The following CNTNAP5 variants were observed in gnomAD, a reference collection of about 807,000 sequenced individuals.
CNTNAP5 encodes the protein contactin associated protein family member 5.
A neutral mutation model predicts 150.2 loss-of-function variants in CNTNAP5; 72 were observed. That is an observed-to-expected ratio of 0.48 (90% CI 0.40 to 0.58). The LOEUF (loss-of-function observed/expected upper bound fraction) is 0.58. Ranked by LOEUF, CNTNAP5 falls within the 20% of genes least tolerant of loss-of-function variation. CNTNAP5 has a pLI of 0.00. For synonymous variants in CNTNAP5, 672 were observed against 619.8 expected (o/e 1.08, Z -1.25); for missense variants, 1,636 against 1,626.2 (o/e 1.01, Z -0.10).
At chr2:124,405,104 C>A (rs1691537277) in intron 3 of CNTNAP5, among the ~76,000 whole-genome samples, 1 of 152,060 alleles carries the variant, frequency 6.6e-6, no homozygotes, top group South Asian at 2.1e-4. Flanking sequence ...CATATAATAT[C>A]ATTCAGAATT....
rs1409335907 is a variant in CNTNAP5 at position 124,870,210 on chromosome 2, T to C, written c.3436+448T>C. Among the ~76,000 whole-genome samples the C allele has an allele frequency of 3.3e-5, 5 of 151,896 alleles. No homozygotes were observed. In the East Asian group the frequency reaches 9.7e-4, roughly 30 times the overall value. On this transcript the variant is annotated intron_variant, in intron 21 of 23. Coordinates refer to ENST00000682447, the MANE Select transcript of CNTNAP5 (RefSeq NM_001367498.1). Reference sequence around the variant, plus strand: ...ATTTTCACTTTATATATGATGACAGTATTCATTACATGCATACAAGATAGA... The same window carrying C: ...ATTTTCACTTTATATATGATGACAGCATTCATTACATGCATACAAGATAGA...
intron 1 of CNTNAP5, among the ~76,000 whole-genome samples, chr2:124,035,696 A>T (rs1681194446): frequency 6.6e-6 from 1 of 152,124 alleles, no homozygotes; most frequent in African/African-American, 2.4e-5. Flanking sequence ...ACTATAATAA[A>T]ATATTTTCCC....
intron 13 of CNTNAP5, among the ~76,000 whole-genome samples, chr2:124,731,650 G>T (rs1680274043): frequency 6.6e-6 from 1 of 152,004 alleles, no homozygotes. Context: ...AAAGAAAAAA[G>T]AAATAAGAAA....
intron 3 of CNTNAP5, among the ~76,000 whole-genome samples, chr2:124,408,535 C>G (rs898838028): frequency 5.9e-5 from 9 of 151,886 alleles, no homozygotes; most frequent in African/African-American, 2.2e-4. Context: ...AGCTGGAGAT[C>G]TGAGAACGGG....
At chr2:124,607,254 G>C (rs182111806) in intron 11 of CNTNAP5, among the ~76,000 whole-genome samples, 42 of 152,234 alleles carry the variant, frequency 2.8e-4, no homozygotes, top group African/African-American at 9.6e-4. Context: ...CTGCAAAAAA[G>C]ATGTCCACAG....
intron 12 of CNTNAP5, among the ~76,000 whole-genome samples, chr2:124,642,286 G>A (rs551007879): frequency 3.9e-5 from 6 of 152,126 alleles, no homozygotes; most frequent in Non-Finnish European, 7.4e-5. Context: ...TTTTGTTATT[G>A]TTGAGTGTGC....
At position 124,504,441 on chromosome 2, in the gene CNTNAP5, G is replaced by C. The variant is rs779415606; in HGVS notation, c.1212G>C (p.Leu404=). Residue 404 remains leucine, a synonymous_variant, in exon 8 of 24, where the codon CTG becomes CTC. Coordinates refer to ENST00000682447, the MANE Select transcript of CNTNAP5 (RefSeq NM_001367498.1). Reference sequence around the variant, plus strand: ...TTCGAACATGGAACAAGGATGGTCTGCTTCTGTCCACAGAGCTGTCTGAGG... The same window carrying C: ...TTCGAACATGGAACAAGGATGGTCTCCTTCTGTCCACAGAGCTGTCTGAGG... ...FQFRTWNKDG[L]LLSTELSEGS... 15 of 1,613,758 alleles carry C rather than the reference G, an allele frequency of 9.3e-6. No homozygotes were observed. Among genetic ancestry groups the C allele is most frequent in the Non-Finnish European group, 1.3e-5 (15 of 1,179,860 alleles).
chr2:124,086,269 T>C (rs1383438413), intron 1 of CNTNAP5, among the ~76,000 whole-genome samples: 1 of 141,650 alleles, frequency 7.1e-6, no homozygotes, highest in Non-Finnish European at 1.5e-5. Flanking sequence ...CCATCTCGGC[T>C]CATTGCAAGC....
intron 6 of CNTNAP5, among the ~76,000 whole-genome samples, chr2:124,451,948 G>A (rs1218610547): frequency 6.6e-6 from 1 of 152,146 alleles, no homozygotes; most frequent in Non-Finnish European, 1.5e-5. Context: ...GGACCTTCAG[G>A]AGGGCTACCA....
chr2:124,433,295 T>C (rs1255395026), intron 4 of CNTNAP5, among the ~76,000 whole-genome samples: 1 of 152,216 alleles, frequency 6.6e-6, no homozygotes, highest in African/African-American at 2.4e-5. Context: ...ACAGTTTATT[T>C]TTAAAGTCAA....
intron 1 of CNTNAP5, among the ~76,000 whole-genome samples, chr2:124,061,153 T>G (rs1682000160): frequency 6.6e-6 from 1 of 152,124 alleles, no homozygotes; most frequent in Admixed American, 6.5e-5. Flanking sequence ...CATCATGAGA[T>G]CCTCCCTGTG....
chr2:124,821,309 A>C (rs1682486499), intron 19 of CNTNAP5, among the ~76,000 whole-genome samples: 1 of 152,100 alleles, frequency 6.6e-6, no homozygotes, highest in African/African-American at 2.4e-5. Context: ...TGGCCTTTCT[A>C]TCCACTTTCT....
intron 11 of CNTNAP5, among the ~76,000 whole-genome samples, chr2:124,599,551 G>T (rs1370534572): frequency 6.6e-6 from 1 of 152,116 alleles, no homozygotes; most frequent in Admixed American, 6.6e-5. Flanking sequence ...GTCAGGTTAA[G>T]GATCAGCTTT....
At chr2:124,891,009 T>C (rs150483843) in intron 21 of CNTNAP5, among the ~76,000 whole-genome samples, 7 of 152,234 alleles carry the variant, frequency 4.6e-5, no homozygotes, top group Non-Finnish European at 8.8e-5. Flanking sequence ...AAAAAGTATG[T>C]GGTAGAATCT....
chr2:124,861,723 G>A (rs188229768), intron 19 of CNTNAP5, among the ~76,000 whole-genome samples: 1 of 152,316 alleles, frequency 6.6e-6, no homozygotes, highest in Admixed American at 6.5e-5. Flanking sequence ...TTCGAGAGTA[G>A]TTGCTAGTGA....
At chr2:124,624,946 C>T (rs1374697698) in intron 12 of CNTNAP5, among the ~76,000 whole-genome samples, 2 of 152,186 alleles carry the variant, frequency 1.3e-5, no homozygotes. Context: ...ATCCATGTTA[C>T]AGAGATAGGC....
chr2:124,604,041 A>C (rs1324510035), intron 11 of CNTNAP5, among the ~76,000 whole-genome samples: 1 of 152,194 alleles, frequency 6.6e-6, no homozygotes, highest in East Asian at 1.9e-4. Context: ...AAATTGACTC[A>C]GTAAAATCTT....
chr2:124,644,785 C>T (rs1222913594), intron 12 of CNTNAP5, among the ~76,000 whole-genome samples: 1 of 152,074 alleles, frequency 6.6e-6, no homozygotes, highest in Non-Finnish European at 1.5e-5. Flanking sequence ...AGGGCAGATT[C>T]AAAATAAAAG....
intron 19 of CNTNAP5, among the ~76,000 whole-genome samples, chr2:124,827,496 C>T (rs768160448): frequency 1.4e-4 from 22 of 152,158 alleles, no homozygotes; most frequent in Non-Finnish European, 2.9e-4. Flanking sequence ...GCATAACCCA[C>T]GTGAACTGAG....
Sources: gnomAD v4.1 joint callset for allele counts (sites outside exome capture counted in the v4.1 genomes callset) on GRCh38, gnomAD v4.1.1 for gene constraint, MANE v1.5 for transcripts, NCBI Gene and HGNC (gene_info 2026-07-23, HGNC 2026-07-21) for gene names.